Variants in DSG3 observed in about 807,000 individuals in gnomAD.
DSG3 encodes desmoglein 3.
A neutral mutation model predicts 85.9 loss-of-function variants in DSG3; 63 were observed. The observed-to-expected ratio is 0.73, with a 90% CI of 0.60 to 0.90. DSG3 has a LOEUF of 0.90. DSG3 is among the 40% of genes least tolerant of loss of function. DSG3 has a pLI of 0.00. For missense variants in DSG3, 1,220 were observed against 1,219.9 expected (o/e 1.00, Z 0.00); for synonymous variants, 447 against 441.9 (o/e 1.01, Z -0.14).
Position 31,474,311 on chromosome 18 carries a change from A to C in DSG3, c.2292A>C (p.Gly764=), listed in dbSNP as rs2072873572. 5 of 1,614,052 alleles carry C rather than the reference A, an allele frequency of 3.1e-6. No homozygotes were observed. The highest frequency in any genetic ancestry group is 4.2e-6 in the Non-Finnish European group (5 of 1,180,048). The part of the protein sequence containing the change: ...GVGICSSGQS[G]TMRTRHSTGG... ...GCATCTGTTCCTCAGGGCAGTCTGGAACCATGAGAACAAGGCATTCCACTG... is the reference window on the plus strand; with the variant it reads ...GCATCTGTTCCTCAGGGCAGTCTGGCACCATGAGAACAAGGCATTCCACTG... The change falls in exon 15 of 16, where the codon GGA becomes GGC. Residue 764 remains glycine, a synonymous_variant. Coordinates refer to ENST00000257189, the MANE Select transcript of DSG3 (RefSeq NM_001944.3).
chr18:31,472,828 A>C, intron 14 of DSG3, 40 bp downstream of exon 14: 1 of 1,562,370 alleles, frequency 6.4e-7, no homozygotes, highest in Non-Finnish European at 8.8e-7. Context: ...TGGTGAGTTA[A>C]GTGGTAAATA....
chr18:31,449,255 G>A (rs565263237), intron 1 of DSG3, among the ~76,000 whole-genome samples: 1 of 152,250 alleles, frequency 6.6e-6, no homozygotes, highest in Non-Finnish European at 1.5e-5. Context: ...GATTTTATTT[G>A]AAAGGAGGAT....
At chr18:31,465,985 C>T (rs962077276) in intron 10 of DSG3, among the ~76,000 whole-genome samples, 3 of 151,896 alleles carry the variant, frequency 2.0e-5, no homozygotes, top group Admixed American at 2.0e-4. Context: ...AAAAGATTGC[C>T]ATTTGGGAAA....
In DSG3 at chr18:31,458,507, T is replaced by C. The variant is rs73412299; in HGVS notation, c.279T>C (p.Asp93=). The stretch of plus-strand genomic sequence containing the variant: ...ACCGAATCTCTGGAGTGGGAATCGA[T>C]CAGCCGCCTTTTGGAATCTTTGTTG... ...ITYRISGVGI[D]QPPFGIFVVD... The change falls in exon 4 of 16, where the codon GAT becomes GAC. Residue 93 remains aspartate (D), a synonymous_variant. Coordinates refer to ENST00000257189, the MANE Select transcript of DSG3 (RefSeq NM_001944.3). 1.0e-3 allele frequency: 1,627 copies of C among 1,614,078 alleles called. 12 individuals carry two copies. The African/African-American group carries it at 0.019, about 19-fold the overall frequency.
intron 1 of DSG3, among the ~76,000 whole-genome samples, chr18:31,455,021 C>CA (rs541940386): frequency 0.015 from 1,445 of 93,920 alleles, 10 homozygotes; most frequent in Middle Eastern, 0.049. Flanking sequence ...AACTCCGTCT[C>CA]AAAAAAAAAA....
intron 1 of DSG3, among the ~76,000 whole-genome samples, chr18:31,449,205 T>C (rs1485905300): frequency 6.6e-6 from 1 of 152,186 alleles, no homozygotes; most frequent in Non-Finnish European, 1.5e-5. Flanking sequence ...GCCTCTAAGA[T>C]TCTATTTCTA....
intron 1 of DSG3, among the ~76,000 whole-genome samples, chr18:31,452,568 G>A (rs1408429980): frequency 7.0e-6 from 1 of 142,590 alleles, no homozygotes; most frequent in African/African-American, 2.6e-5. Flanking sequence ...CTCTTTTGAA[G>A]TTTGGTGACA....
In DSG3 at chr18:31,476,074, G is replaced by C. The variant is rs777643996; in HGVS notation, c.2814G>C (p.Ser938=). Residue 938 remains serine (S), a synonymous_variant, in exon 16 of 16, where the codon TCG becomes TCC. Coordinates refer to ENST00000257189, the MANE Select transcript of DSG3 (RefSeq NM_001944.3). The stretch of plus-strand genomic sequence containing the variant: ...ACTATTTAGTAACGGAGACTTACTC[G>C]GCTTCTGGTTCCCTCGTGCAACCTT... ...HGNYLVTETY[S]ASGSLVQPST... 1 of 1,614,030 alleles carries C rather than the reference G, an allele frequency of 6.2e-7. No individual in the cohort carries two copies. Among genetic ancestry groups the C allele is most frequent in the African/African-American group, 1.3e-5 (1 of 74,896 alleles).
chr18:31,455,336 G>A (rs773789280), intron 1 of DSG3, among the ~76,000 whole-genome samples: 1 of 149,844 alleles, frequency 6.7e-6, no homozygotes, highest in South Asian at 2.1e-4. Context: ...ATTATTTTCC[G>A]ACCAGATTCA....
At position 31,457,510 on chromosome 18, in the gene DSG3, A is replaced by C. The variant is rs547607405; in HGVS notation, c.216+386A>C. Reference sequence around the variant, plus strand: ...CTCAGTGATAGGATGTATCAGGTTTATTATACTATTCTCTTTCTTTCTTTC... The same window carrying C: ...CTCAGTGATAGGATGTATCAGGTTTCTTATACTATTCTCTTTCTTTCTTTC... On this transcript the variant is annotated intron_variant, in intron 3 of 15. Coordinates refer to ENST00000257189, the MANE Select transcript of DSG3 (RefSeq NM_001944.3). Among the ~76,000 whole-genome samples the C allele has an allele frequency of 9.0e-4, 137 of 151,900 alleles. 1 individual carries two copies. The highest frequency in any genetic ancestry group is 3.2e-3 in the African/African-American group (131 of 41,432).
At chr18:31,450,976 A>G (rs556178993) in intron 1 of DSG3, among the ~76,000 whole-genome samples, 1 of 152,224 alleles carries the variant, frequency 6.6e-6, no homozygotes, top group South Asian at 2.1e-4. Flanking sequence ...GCTAAAAAGT[A>G]TATCAAAAAC....
At chr18:31,468,961 A>G in intron 11 of DSG3, 128 bp from the exon 12 acceptor site, 4 of 1,385,494 alleles carry the variant, frequency 2.9e-6, no homozygotes, top group Non-Finnish European at 4.0e-6. Flanking sequence ...CCCAACCTTC[A>G]AAACTGTGAG....
In DSG3 at chr18:31,469,108, A is replaced by G; in HGVS notation, c.1656A>G (p.Arg552=). ...TTLNATSALL[R]AQEQIPPGVY... ...CTACAGCTACCTCGGCCCTCCTCAG[A>G]GCCCAGGAACAGATACCTCCTGGAG... The change falls in exon 12 of 16, where the codon AGA becomes AGG. Residue 552 remains arginine (R), a synonymous_variant. Coordinates refer to ENST00000257189, the MANE Select transcript of DSG3 (RefSeq NM_001944.3). 6.2e-7 allele frequency: 1 copy of G among 1,613,960 alleles called. No homozygotes were observed. Among genetic ancestry groups the G allele is most frequent in the Non-Finnish European group, 8.5e-7 (1 of 1,179,832 alleles).
At chr18:31,461,057 T>A (rs919806460) in intron 7 of DSG3, 96 bp downstream of exon 7, 6 of 1,309,006 alleles carry the variant, frequency 4.6e-6, no homozygotes, top group African/African-American at 1.5e-5. Context: ...TTTATTTAAG[T>A]TCTCTGCACT....
At position 31,474,132 on chromosome 18, in the gene DSG3, A is replaced by G; in HGVS notation, c.2113A>G (p.Asn705Asp). 1 of 1,612,246 alleles carries G rather than the reference A, an allele frequency of 6.2e-7. No individual in the cohort carries two copies. Among genetic ancestry groups the G allele is most frequent in the Non-Finnish European group, 8.5e-7 (1 of 1,178,370 alleles). ...DFMESSEVCTNTYARGTAVEG... is the reference protein window; with the variant it reads ...DFMESSEVCTDTYARGTAVEG... ...TCCCTTGTTTTTAGAAGTTTGTACA[A>G]ATACGTATGCCAGAGGCACAGCGGT... The change falls in exon 15 of 16, where the codon AAT (asparagine) becomes GAT (aspartate). Residue 705 changes from asparagine (N) to aspartate (D), a missense_variant. Physicochemically the swap from Asn to Asp is conservative, Grantham distance 23 (BLOSUM62 1). Transcript: ENST00000257189.
At chr18:31,458,699 T>A (rs2072764827) in intron 4 of DSG3, 99 bp downstream of exon 4, 1 of 1,330,038 alleles carries the variant, frequency 7.5e-7, no homozygotes, top group Non-Finnish European at 1.0e-6. Flanking sequence ...GAGAGTTCAG[T>A]ACATGCATCA....
Position 31,460,900 on chromosome 18 carries a change from G to A in DSG3, c.752G>A (p.Cys251Tyr). ...GATGGAGAAGGACTATCAACTCAAT[G>A]TGAATGTAATATTAAAGTGAAAGAT... ...DKDGEGLSTQ[C>Y]ECNIKVKDVN... The change falls in exon 7 of 16, where the codon TGT becomes TAT. Residue 251 changes from cysteine to tyrosine, a missense_variant. By Grantham distance (194) the Cys-to-Tyr change is radical. Coordinates refer to ENST00000257189, the MANE Select transcript of DSG3 (RefSeq NM_001944.3). 2.5e-6 allele frequency: 4 copies of A among 1,605,514 alleles called. No individual in the cohort carries two copies. The highest frequency in any genetic ancestry group is 1.1e-5 in the South Asian group (1 of 88,850).
rs2072887034 is a variant in DSG3 at position 31,476,193 on chromosome 18, GC to G, written c.2936del (p.Pro979GlnfsTer20). 3.7e-6 allele frequency: 6 copies of G among 1,614,142 alleles called. No individual in the cohort carries two copies. Among genetic ancestry groups the G allele is most frequent in the Non-Finnish European group, 5.1e-6 (6 of 1,180,028 alleles). ...PISSVPGNLAGPTQLRGSHTM... is the reference protein window; with the variant it reads ...PISSVPGNLAXPTQLRGSHTM... The stretch of plus-strand genomic sequence containing the variant: ...TCCAGTGTTCCTGGCAACCTAGCTG[GC>G]CCAACGCAGCTACGAGGGTCACATA... On this transcript the variant is annotated frameshift_variant, in exon 16 of 16. Transcript: ENST00000257189. LOFTEE classifies it low-confidence loss of function (END_TRUNC).
chr18:31,454,851 G>T (rs370581055), intron 1 of DSG3, among the ~76,000 whole-genome samples: 5 of 151,714 alleles, frequency 3.3e-5, no homozygotes, highest in African/African-American at 1.2e-4. Flanking sequence ...AAAATTAGCC[G>T]GGTGTGGTGG....
Sources: allele counts gnomAD v4.1 joint callset (sites outside exome capture counted in the v4.1 genomes callset), GRCh38; gene constraint gnomAD v4.1.1; transcripts MANE v1.5; gene names NCBI Gene and HGNC (gene_info 2026-07-23, HGNC 2026-07-21).